The following TBX2 variants were observed in gnomAD, a reference collection of about 807,000 sequenced individuals.
The protein encoded by TBX2 is T-box transcription factor 2, also known as T-box transcription factor TBX2.
Under a neutral mutation model 48.4 loss-of-function variants are expected in TBX2, and 19 were observed. The ratio of observed to expected loss-of-function variants is 0.39; its 90% CI spans 0.27 to 0.58. The LOEUF (loss-of-function observed/expected upper bound fraction) is 0.58. Among genes scored for constraint, TBX2 ranks in the 20% least tolerant of loss-of-function variants. The probability of loss-of-function intolerance (pLI) is 0.54; values close to 1 mark genes in which losing one functional copy is unlikely to be tolerated. For synonymous variants in TBX2, 522 were observed against 459.7 expected, an observed-to-expected ratio of 1.14 and a Z score of -1.73; for missense variants, 994 against 1,006.5, an observed-to-expected ratio of 0.99 and a Z score of 0.17.
In TBX2 at chr17:61,400,105, C is replaced by T. The variant is rs1470776535; in HGVS notation, c.-72C>T. ...GTCCGTCCACCGCGCGCGCCGCCGCCCGGGCCGGGGGTCCGAGCCGCGCGC... is the reference window on the plus strand; with the variant it reads ...GTCCGTCCACCGCGCGCGCCGCCGCTCGGGCCGGGGGTCCGAGCCGCGCGC... On this transcript the variant is annotated 5_prime_UTR_variant, in exon 1 of 7. Transcript: ENST00000240328. The surrounding 1 kb of genome is among the most constrained non-coding windows in gnomAD (Gnocchi z 9.2). 3 of 876,700 alleles carry T rather than the reference C, an allele frequency of 3.4e-6. No individual in the cohort carries two copies. Among genetic ancestry groups the T allele is most frequent in the Non-Finnish European group, 4.1e-6 (3 of 733,396 alleles). The allele number at this position is 876,700 out of a possible 1,614,324, so 54.3% of individuals were successfully genotyped here. A position where few individuals can be genotyped will look rare whatever the true frequency, so the allele number is the denominator to read the frequency against.
chr17:61,401,450 C>T lies in TBX2; in HGVS notation c.396-234C>T, dbSNP rs1261674090. On this transcript the variant is annotated intron_variant, in intron 1 of 6. Coordinates refer to ENST00000240328, the MANE Select transcript of TBX2 (RefSeq NM_005994.4). Reference sequence around the variant, plus strand: ...GGGTCCCCAGATCTGAGCACAAGGCCTAAAGGAGGCTGTTTAGGAGAGGGT... The same window carrying T: ...GGGTCCCCAGATCTGAGCACAAGGCTTAAAGGAGGCTGTTTAGGAGAGGGT... Among the ~76,000 whole-genome samples, 4 of 152,270 alleles carry T rather than the reference C, an allele frequency of 2.6e-5. No individual in the cohort carries two copies. In the East Asian group the frequency reaches 7.7e-4, roughly 29 times the overall value.
In TBX2 at chr17:61,403,314, G is replaced by C; in HGVS notation, c.810+107G>C. 2.0e-6 allele frequency: 3 copies of C among 1,505,926 alleles called. No homozygotes were observed. The highest frequency in any genetic ancestry group is 2.3e-5 in the Admixed American group (1 of 44,106). The allele number at this position is 1,505,926 out of a possible 1,614,324, so 93.3% of individuals were successfully genotyped here. A position where few individuals can be genotyped will look rare whatever the true frequency, so the allele number is the denominator to read the frequency against. On this transcript the variant is annotated intron_variant, in intron 3 of 6. Transcript: ENST00000240328. This position sits in a 1 kb window ranked among gnomAD's most constrained non-coding sequence, Gnocchi z 5.8. ...TCGAAGCCCCCTGCACGGGATCCGCGCTCTTGCGGCCCGCCCCCGAGCACC... is the reference window on the plus strand; with the variant it reads ...TCGAAGCCCCCTGCACGGGATCCGCCCTCTTGCGGCCCGCCCCCGAGCACC...
chr17:61,401,583 A>C, intron 1 of TBX2, 101 bp from the exon 2 acceptor site: 2 of 1,454,942 alleles, frequency 1.4e-6, no homozygotes, highest in Non-Finnish European at 1.8e-6. Context: ...GCCAGGCGGC[A>C]GCGGTGTGCG....
At position 61,405,342 on chromosome 17, in the gene TBX2, G is replaced by A; in HGVS notation, c.1192G>A (p.Glu398Lys). 6.5e-7 allele frequency: 1 copy of A among 1,545,688 alleles called. No homozygotes were observed. The highest frequency in any genetic ancestry group is 1.2e-5 in the South Asian group (1 of 84,494). Residue 398 changes from glutamate (E) to lysine (K), a missense_variant, in exon 6 of 7, where the codon GAG (glutamate) becomes AAG (lysine). Transcript: ENST00000240328. ...TRLTEPERAR[E>K]RRSPERGKEP... ...CTTGACCGAACCCGAGCGCGCCCGGGAGCGGCGTAGTCCCGAGAGGGGCAA... is the reference window on the plus strand; with the variant it reads ...CTTGACCGAACCCGAGCGCGCCCGGAAGCGGCGTAGTCCCGAGAGGGGCAA...
chr17:61,408,767 G>A lies in TBX2; in HGVS notation c.*261G>A, dbSNP rs1406939039. ...CCGCTCCAGCGTCAAGGTGGCATCC[G>A]AAGGTGTCTCTGGTCTTCCAGCGAG... On this transcript the variant is annotated 3_prime_UTR_variant, in exon 7 of 7. Coordinates refer to ENST00000240328, the MANE Select transcript of TBX2 (RefSeq NM_005994.4). The A allele has an allele frequency of 5.4e-5, 21 of 392,296 alleles. No individual in the cohort carries two copies. In the East Asian group the frequency reaches 7.7e-4, roughly 14 times the overall value. The allele number at this position is 392,296 out of a possible 1,614,324, so 24.3% of individuals were successfully genotyped here.
Position 61,408,857 on chromosome 17 carries a change from G to C in TBX2, c.*351G>C, listed in dbSNP as rs970608694. 9 of 230,428 alleles carry C rather than the reference G, an allele frequency of 3.9e-5. No individual in the cohort carries two copies. The highest frequency in any genetic ancestry group is 7.5e-5 in the Non-Finnish European group (9 of 120,172). The allele number at this position is 230,428 out of a possible 1,614,324, so 14.3% of individuals were successfully genotyped here. A position where few individuals can be genotyped will look rare whatever the true frequency, so the allele number is the denominator to read the frequency against. On this transcript the variant is annotated 3_prime_UTR_variant, in exon 7 of 7. Transcript: ENST00000240328. The stretch of plus-strand genomic sequence containing the variant: ...AAGCCAGAAGGTGCAGGGGCCAGGG[G>C]TGGGAGCATCGGAGGGAGTCCCAGA...
Position 61,400,668 on chromosome 17 carries a change from C to T in TBX2, c.395+97C>T, listed in dbSNP as rs1279854985. On this transcript the variant is annotated intron_variant, in intron 1 of 6. Coordinates refer to ENST00000240328, the MANE Select transcript of TBX2 (RefSeq NM_005994.4). This position sits in a 1 kb window ranked among gnomAD's most constrained non-coding sequence, Gnocchi z 9.2. ...AGCAGAGCTGGGGACTCCCGGCTCCCGGCTCCCGGCTCCAGGTTCTGGCCC... is the reference window on the plus strand; with the variant it reads ...AGCAGAGCTGGGGACTCCCGGCTCCTGGCTCCCGGCTCCAGGTTCTGGCCC... The T allele has an allele frequency of 1.3e-5, 16 of 1,185,734 alleles. No individual in the cohort carries two copies. The Admixed American group carries it at 1.4e-4, about 10-fold the overall frequency. The allele number at this position is 1,185,734 out of a possible 1,614,324, so 73.5% of individuals were successfully genotyped here.
At chr17:61,404,399 G>A (rs1478566781) in intron 3 of TBX2, 22 bp from the exon 4 acceptor site, 8 of 1,588,688 alleles carry the variant, frequency 5.0e-6, no homozygotes, top group African/African-American at 4.0e-5. Flanking sequence ...CTGACTTAGC[G>A]CCGCCCCCTT....
In TBX2 at chr17:61,400,074, C is replaced by G. The variant is rs1183918029; in HGVS notation, c.-103C>G. Reference sequence around the variant, plus strand: ...AGGAGCAGCTGCTGCGCCCGCCACCCGGGTCGTCCGTCCACCGCGCGCGCC... The same window carrying G: ...AGGAGCAGCTGCTGCGCCCGCCACCGGGGTCGTCCGTCCACCGCGCGCGCC... On this transcript the variant is annotated 5_prime_UTR_variant, in exon 1 of 7. Coordinates refer to ENST00000240328, the MANE Select transcript of TBX2 (RefSeq NM_005994.4). The surrounding 1 kb of genome is among the most constrained non-coding windows in gnomAD (Gnocchi z 9.2). 2 of 527,810 alleles carry G rather than the reference C, an allele frequency of 3.8e-6. No individual in the cohort carries two copies. The highest frequency in any genetic ancestry group is 6.5e-5 in the Admixed American group (1 of 15,272). 32.7% of individuals were successfully genotyped at this position (527,810 alleles called of 1,614,324 possible).
rs376788793 is a variant in TBX2 at position 61,403,259 on chromosome 17, G to A, written c.810+52G>A. 2 of 1,595,092 alleles carry A rather than the reference G, an allele frequency of 1.3e-6. No individual in the cohort carries two copies. Among genetic ancestry groups the A allele is most frequent in the African/African-American group, 1.3e-5 (1 of 74,272 alleles). ...CCCCTGCACTGACGCCCCTCAACAC[G>A]TGCAGGCCCAACCGTCCGTTCATCG... On this transcript the variant is annotated intron_variant, in intron 3 of 6. Coordinates refer to ENST00000240328, the MANE Select transcript of TBX2 (RefSeq NM_005994.4). The surrounding 1 kb of genome is among the most constrained non-coding windows in gnomAD (Gnocchi z 5.8).
At chr17:61,405,904 C>T (rs1313279220) in intron 6 of TBX2, 68 bp downstream of exon 6, 4 of 1,252,526 alleles carry the variant, frequency 3.2e-6, no homozygotes, top group Non-Finnish European at 4.0e-6. Context: ...GCGAGGCCAG[C>T]GGAGGGCCTG....
rs770182659 is a variant in TBX2, at chr17:61,405,525, C to A, written c.1375C>A (p.Pro459Thr). Residue 459 changes from proline to threonine, a missense_variant, in exon 6 of 7, where the codon CCC becomes ACC. Around this residue, in one of 5 missense-constraint regions of TBX2, gnomAD observed 639 missense variants for 613.2 expected, o/e 1.04. Transcript: ENST00000240328. ...GGTGGTGCAGACAGACAGTGCGTCC[C>A]CCCTGGGCGCCGGACACCTGCCCGG... Reference protein sequence around the residue: ...PLVVQTDSASPLGAGHLPGLA... With the variant: ...PLVVQTDSASTLGAGHLPGLA... The A allele has an allele frequency of 1.3e-6, 2 of 1,588,810 alleles. No homozygotes were observed. The highest frequency in any genetic ancestry group is 1.3e-5 in the African/African-American group (1 of 74,476).
intron 5 of TBX2, 54 bp from the exon 6 acceptor site, chr17:61,405,148 C>T: frequency 6.8e-7 from 1 of 1,469,306 alleles, no homozygotes; most frequent in Non-Finnish European, 9.0e-7. Context: ...GTCCCTGATC[C>T]TGCTCGTCGG....
Position 61,405,477 on chromosome 17 carries a change from A to G in TBX2, c.1327A>G (p.Lys443Glu). ...DEGRKEAAEG[K>E]EQGLAPLVVQ... ...GGGGCGCAAGGAGGCGGCCGAGGGC[A>G]AGGAGCAGGGCCTGGCGCCGCTGGT... The change falls in exon 6 of 7, where the codon AAG (lysine) becomes GAG (glutamate). Residue 443 changes from lysine to glutamate, a missense_variant. By Grantham distance (56) the Lys-to-Glu change is moderately conservative (BLOSUM62 1). Coordinates refer to ENST00000240328, the MANE Select transcript of TBX2 (RefSeq NM_005994.4). The G allele has an allele frequency of 1.3e-6, 2 of 1,579,394 alleles. No homozygotes were observed. Among genetic ancestry groups the G allele is most frequent in the Non-Finnish European group, 1.7e-6 (2 of 1,165,964 alleles).
rs747131771 is a variant in TBX2 at position 61,401,965 on chromosome 17, C to T, written c.663+14C>T. 1.3e-6 allele frequency: 2 copies of T among 1,582,792 alleles called. No homozygotes were observed. Among genetic ancestry groups the T allele is most frequent in the Non-Finnish European group, 1.7e-6 (2 of 1,163,220 alleles). On this transcript the variant is annotated intron_variant, in intron 2 of 6. Transcript: ENST00000240328. ...AAGCACGGCTTCGTGAGTGTTGGGG[C>T]AGGGTGGGGACGGTGCAGGAGCTTG...
rs779585007 is a variant in TBX2 at position 61,401,835 on chromosome 17, C to T, written c.547C>T (p.Pro183Ser). ...MVAGKADPEM[P>S]KRMYIHPDSP... is the part of the protein sequence containing the mutation. ...GGCGGGCAAGGCCGACCCTGAGATG[C>T]CCAAACGCATGTACATCCACCCAGA... is the stretch of plus-strand genomic sequence containing the variant. The change falls in exon 2 of 7, where the codon CCC becomes TCC. Residue 183 changes from proline (P) to serine (S), a missense_variant. This residue lies in a region of TBX2 where 153 missense variants were observed against 166.2 expected (regional missense o/e 0.92). Transcript: ENST00000240328. 2 of 1,613,052 alleles carry T rather than the reference C, an allele frequency of 1.2e-6. No individual in the cohort carries two copies. Among genetic ancestry groups the T allele is most frequent in the South Asian group, 1.1e-5 (1 of 91,090 alleles).
At position 61,400,444 on chromosome 17, in the gene TBX2, C is replaced by T. The variant is rs1199218826; in HGVS notation, c.268C>T (p.Arg90Cys). 6.3e-7 allele frequency: 1 copy of T among 1,587,012 alleles called. No individual in the cohort carries two copies. Among genetic ancestry groups the T allele is most frequent in the Admixed American group, 1.8e-5 (1 of 56,958 alleles). The change falls in exon 1 of 7, where the codon CGC (arginine) becomes TGC (cysteine). Residue 90 changes from arginine (R) to cysteine (C), a missense_variant. Physicochemically the swap from Arg to Cys is radical, Grantham distance 180. Transcript: ENST00000240328. This position sits in a 1 kb window ranked among gnomAD's most constrained non-coding sequence, Gnocchi z 9.2. ...LGPHPPAAHL[R>C]SLKSLEPEDE... ...CCCGCACCCGCCCGCCGCGCATCTG[C>T]GCTCCCTCAAGAGCCTGGAGCCCGA...
chr17:61,407,959 CA>C lies in TBX2; in HGVS notation c.1687-94del, dbSNP rs562143200. 293 of 1,439,126 alleles carry C rather than the reference CA, an allele frequency of 2.0e-4. No homozygotes were observed. In the African/African-American group the frequency reaches 4.0e-3, roughly 19 times the overall value. The allele number at this position is 1,439,126 out of a possible 1,614,324, so 89.1% of individuals were successfully genotyped here. A position where few individuals can be genotyped will look rare whatever the true frequency, so the allele number is the denominator to read the frequency against. ...GAATTGTGGTTTTACATCCCTAAAA[CA>C]GAAGGGCACGGTGTCCAGGGGATAG... is the stretch of plus-strand genomic sequence containing the variant. On this transcript the variant is annotated intron_variant, in intron 6 of 6. Coordinates refer to ENST00000240328, the MANE Select transcript of TBX2 (RefSeq NM_005994.4).
intron 3 of TBX2, 115 bp from the exon 4 acceptor site, chr17:61,404,306 A>C: frequency 7.5e-7 from 1 of 1,331,108 alleles, no homozygotes; most frequent in Non-Finnish European, 1.0e-6. Context: ...GTGGGTACCA[A>C]GTGGACGCTC....
Sources: gnomAD v4.1 joint callset for allele counts (sites outside exome capture counted in the v4.1 genomes callset) on GRCh38, gnomAD v4.1.1 for gene constraint, gnomAD v4.1.1 regional missense constraint, Gnocchi (gnomAD v3.1) non-coding constraint, MANE v1.5 for transcripts, NCBI Gene and HGNC (gene_info 2026-07-23, HGNC 2026-07-21) for gene names.